BACH2: variants seen among roughly 807,000 people sequenced by gnomAD.
BACH2 encodes transcription regulator protein BACH2.
Under a neutral mutation model 61.8 loss-of-function variants are expected in BACH2, and 5 were observed. The observed-to-expected ratio is 0.08, with a 90% confidence interval of 0.04 to 0.17. The LOEUF is 0.17. Among genes scored for constraint, BACH2 ranks in the 10% least tolerant of loss-of-function variants. BACH2 has a pLI of 1.00. For synonymous variants in BACH2, 446 were observed against 440.1 expected, an observed-to-expected ratio of 1.01 and a Z score of -0.17; for missense variants, 824 against 1,091.1, an observed-to-expected ratio of 0.76 and a Z score of 3.45.
intron 3 of BACH2, among the ~76,000 whole-genome samples, chr6:90,218,660 C>T (rs1012261762): frequency 1.3e-5 from 2 of 152,074 alleles, no homozygotes; most frequent in African/African-American, 2.4e-5. Context: ...TGGAGCTCTG[C>T]CCTTTCTCTG....
chr6:90,127,001 G>A (rs1582396203), intron 4 of BACH2, among the ~76,000 whole-genome samples: 1 of 152,356 alleles, frequency 6.6e-6, no homozygotes, highest in South Asian at 2.1e-4. Context: ...GGGATGGCAA[G>A]CTGTTGACAA....
At chr6:90,039,764 C>T (rs1779440340) in intron 5 of BACH2, among the ~76,000 whole-genome samples, 2 of 152,126 alleles carry the variant, frequency 1.3e-5, no homozygotes, top group Non-Finnish European at 1.5e-5. Flanking sequence ...AAACCCCTGC[C>T]TGTTTGGCAA....
intron 4 of BACH2, among the ~76,000 whole-genome samples, chr6:90,144,074 C>G (rs1784545243): frequency 6.6e-6 from 1 of 152,142 alleles, no homozygotes; most frequent in Admixed American, 6.5e-5. Flanking sequence ...GAATGTCATC[C>G]TGAAAAATTT....
chr6:90,135,894 C>T (rs1318987237), intron 4 of BACH2, among the ~76,000 whole-genome samples: 2 of 152,198 alleles, frequency 1.3e-5, no homozygotes, highest in Non-Finnish European at 2.9e-5. Context: ...TCGTCTCTGA[C>T]CCTTTCCACT....
chr6:90,018,285 C>T (rs1052747418), intron 5 of BACH2, among the ~76,000 whole-genome samples: 14 of 152,202 alleles, frequency 9.2e-5, no homozygotes, highest in Non-Finnish European at 1.8e-4. Context: ...GCTCTCTCTT[C>T]TCTGCTACCT....
intron 5 of BACH2, among the ~76,000 whole-genome samples, chr6:90,032,980 G>A (rs1409146432): frequency 6.6e-6 from 1 of 152,088 alleles, no homozygotes; most frequent in Non-Finnish European, 1.5e-5. Flanking sequence ...ATGATAGACT[G>A]GATTAAGAAA....
intron 6 of BACH2, among the ~76,000 whole-genome samples, chr6:89,957,905 C>T (rs1774514179): frequency 6.6e-6 from 1 of 152,156 alleles, no homozygotes; most frequent in African/African-American, 2.4e-5. Context: ...AATATAAAAA[C>T]TAAATCAACA....
At chr6:90,156,524 T>C (rs759182044) in intron 4 of BACH2, among the ~76,000 whole-genome samples, 6 of 152,134 alleles carry the variant, frequency 3.9e-5, no homozygotes, top group Non-Finnish European at 7.4e-5. Flanking sequence ...CAGGGGAGCA[T>C]TGTACAAAAA....
chr6:90,063,490 G>C (rs770740581), intron 5 of BACH2, among the ~76,000 whole-genome samples: 2 of 152,136 alleles, frequency 1.3e-5, no homozygotes, highest in South Asian at 2.1e-4. Flanking sequence ...ATTTTGGGTA[G>C]GTAGTGCTAT....
At chr6:89,985,015 G>A (rs1028885954) in intron 6 of BACH2, among the ~76,000 whole-genome samples, 6 of 152,142 alleles carry the variant, frequency 3.9e-5, no homozygotes, top group African/African-American at 1.4e-4. Flanking sequence ...TGAGTCCTCG[G>A]GCAGGAGACA....
chr6:89,969,565 T>G (rs889726306), intron 6 of BACH2, among the ~76,000 whole-genome samples: 2 of 151,674 alleles, frequency 1.3e-5, no homozygotes, highest in African/African-American at 4.9e-5. Flanking sequence ...CCAACAGGAG[T>G]CAGCCTTTGT....
At chr6:89,971,601 A>T (rs1775363476) in intron 6 of BACH2, among the ~76,000 whole-genome samples, 1 of 152,094 alleles carries the variant, frequency 6.6e-6, no homozygotes. Flanking sequence ...ATAAAGACAT[A>T]CCTGAGACTG....
chr6:90,035,659 T>A (rs1779226213), intron 5 of BACH2, among the ~76,000 whole-genome samples: 2 of 151,926 alleles, frequency 1.3e-5, no homozygotes, highest in Admixed American at 1.3e-4. Flanking sequence ...TATGCCAGGG[T>A]TTGAATTCAA....
Position 90,196,140 on chromosome 6 carries a change from T to C in BACH2, c.-162+10429A>G, listed in dbSNP as rs534531687. ...TCAATGCAAGTACTTTTTTTTTTTT[T>C]AATCTCCATTTCATTCATGGAACAA... On this transcript the variant is annotated intron_variant, in intron 4 of 8. Coordinates refer to ENST00000257749, the MANE Select transcript of BACH2 (RefSeq NM_021813.4). Among the ~76,000 whole-genome samples, 461 of 152,080 alleles carry C rather than the reference T, an allele frequency of 3.0e-3. 2 individuals carry two copies. Among genetic ancestry groups the C allele is most frequent in the Non-Finnish European group, 5.4e-3 (365 of 67,982 alleles).
intron 5 of BACH2, among the ~76,000 whole-genome samples, chr6:90,017,099 A>AT (rs1166382571): frequency 6.6e-6 from 1 of 152,106 alleles, no homozygotes; most frequent in African/African-American, 2.4e-5. Flanking sequence ...TTTTGCCACA[A>AT]TTTTTTTGTC....
chr6:89,937,338 A>T (rs1175019589), intron 8 of BACH2, among the ~76,000 whole-genome samples: 1 of 152,196 alleles, frequency 6.6e-6, no homozygotes, highest in East Asian at 1.9e-4. Flanking sequence ...ATTTGGAATC[A>T]GACACCTGGG....
rs2127898216 is a variant in BACH2 at position 90,296,528 on chromosome 6, T to C, written c.-494A>G. 1 of 151,658 alleles carries C rather than the reference T, an allele frequency of 6.6e-6. No individual in the cohort carries two copies. Among genetic ancestry groups the C allele is most frequent in the South Asian group, 2.1e-4 (1 of 4,814 alleles). 9.4% of individuals were successfully genotyped at this position (151,658 alleles called of 1,614,324 possible). On this transcript the variant is annotated 5_prime_UTR_variant, in exon 1 of 9. Coordinates refer to ENST00000257749, the MANE Select transcript of BACH2 (RefSeq NM_021813.4). Reference sequence around the variant, plus strand: ...TTTCCGCCTCCTCTTCCCCGCGTCTTCCCGGCTCGCAGCCCCCTCCCGGCA... The same window carrying C: ...TTTCCGCCTCCTCTTCCCCGCGTCTCCCCGGCTCGCAGCCCCCTCCCGGCA...
intron 3 of BACH2, among the ~76,000 whole-genome samples, chr6:90,244,613 C>T (rs541731791): frequency 1.8e-4 from 27 of 152,252 alleles, no homozygotes; most frequent in African/African-American, 6.0e-4. Context: ...CCTTCACACG[C>T]GCACACATGC....
At chr6:90,213,113 G>A (rs1490999661) in intron 3 of BACH2, among the ~76,000 whole-genome samples, 1 of 152,168 alleles carries the variant, frequency 6.6e-6, no homozygotes, top group Admixed American at 6.5e-5. Context: ...TAAACCAGGG[G>A]TCACAAATTC....
Sources: allele counts gnomAD v4.1 joint callset (sites outside exome capture counted in the v4.1 genomes callset), GRCh38; gene constraint gnomAD v4.1.1; transcripts MANE v1.5; gene names NCBI Gene and HGNC (gene_info 2026-07-23, HGNC 2026-07-21).